NUDCD3: variants seen among roughly 807,000 people sequenced by gnomAD.
NUDCD3 encodes the protein NudC domain containing 3.
Under a neutral mutation model 39.7 loss-of-function variants are expected in NUDCD3, and 13 were observed. The observed-to-expected ratio is 0.33, with a 90% CI of 0.21 to 0.52. NUDCD3 has a LOEUF of 0.52. Among genes scored for constraint, NUDCD3 ranks in the 20% least tolerant of loss-of-function variants. NUDCD3 has a pLI of 0.96. For missense variants in NUDCD3, 453 were observed against 458.1 expected, an observed-to-expected ratio of 0.99 and a Z score of 0.10; for synonymous variants, 175 against 172.4, an observed-to-expected ratio of 1.02 and a Z score of -0.12.
chr7:44,422,363 T>TAAAAGATTAACAAAATAGA (rs2116895139), intron 3 of NUDCD3, among the ~76,000 whole-genome samples: 1 of 151,974 alleles, frequency 6.6e-6, no homozygotes, highest in East Asian at 1.9e-4. Context: ...CTGTTTTTTT[T>TAAAAGATTAACAAAATAGA]AAAAGATTAA....
chr7:44,425,640 G>A (rs1799218797), intron 3 of NUDCD3, among the ~76,000 whole-genome samples: 1 of 152,170 alleles, frequency 6.6e-6, no homozygotes, highest in African/African-American at 2.4e-5. Flanking sequence ...GAAGTGGGAA[G>A]ATCATTTGAG....
intron 3 of NUDCD3, among the ~76,000 whole-genome samples, chr7:44,410,759 G>C (rs1173920211): frequency 6.6e-6 from 1 of 151,942 alleles, no homozygotes; most frequent in Non-Finnish European, 1.5e-5. Context: ...ATGAGGTCAA[G>C]AGATCGACAT....
intron 2 of NUDCD3, among the ~76,000 whole-genome samples, chr7:44,456,688 C>T (rs1226870275): frequency 1.3e-5 from 2 of 151,108 alleles, no homozygotes; most frequent in Non-Finnish European, 2.9e-5. Context: ...CCCAGGAGGT[C>T]GAGGCTACAG....
chr7:44,446,915 T>C (rs1333123331), intron 2 of NUDCD3, among the ~76,000 whole-genome samples: 1 of 152,218 alleles, frequency 6.6e-6, no homozygotes, highest in Non-Finnish European at 1.5e-5. Context: ...TTTCTGGCAA[T>C]GTTCATTACA....
chr7:44,468,549 T>C (rs1166123115), intron 2 of NUDCD3, among the ~76,000 whole-genome samples: 1 of 152,030 alleles, frequency 6.6e-6, no homozygotes, highest in East Asian at 1.9e-4. Context: ...AGTAAAAAGA[T>C]AAATGTAACA....
At chr7:44,396,879 G>C (rs1484092888) in intron 4 of NUDCD3, among the ~76,000 whole-genome samples, 2 of 152,172 alleles carry the variant, frequency 1.3e-5, no homozygotes, top group East Asian at 3.8e-4. Context: ...AATGTTCCTA[G>C]GATGGAGTTC....
rs1798286902 is a variant in NUDCD3, at chr7:44,380,431, C to T, written c.*5580G>A. ...GTCACAAAATCCCTTCTTTGCATTA[C>T]CAAAAGAGGTGGTCACTCAGGGGTG... On this transcript the variant is annotated 3_prime_UTR_variant, in exon 6 of 6. Transcript: ENST00000355451. 1 of 152,262 alleles carries T rather than the reference C, an allele frequency of 6.6e-6. No individual in the cohort carries two copies. 9.4% of individuals were successfully genotyped at this position (152,262 alleles called of 1,614,324 possible). A position where few individuals can be genotyped will look rare whatever the true frequency, so the allele number is the denominator to read the frequency against.
At chr7:44,389,982 G>C (rs1055005531) in intron 5 of NUDCD3, among the ~76,000 whole-genome samples, 1 of 152,168 alleles carries the variant, frequency 6.6e-6, no homozygotes, top group Non-Finnish European at 1.5e-5. Flanking sequence ...ATAAAGTTCT[G>C]TAAGAGATAC....
At chr7:44,404,105 G>A (rs1461970828) in intron 4 of NUDCD3, among the ~76,000 whole-genome samples, 2 of 152,300 alleles carry the variant, frequency 1.3e-5, no homozygotes, top group East Asian at 1.9e-4. Flanking sequence ...GTTGGTCAAT[G>A]AGCCTGATTC....
At chr7:44,445,893 C>T (rs1333084586) in intron 2 of NUDCD3, among the ~76,000 whole-genome samples, 1 of 152,204 alleles carries the variant, frequency 6.6e-6, no homozygotes, top group Non-Finnish European at 1.5e-5. Flanking sequence ...AGGACACAGA[C>T]TCTGGAGTCA....
chr7:44,417,282 A>T (rs892226101), intron 3 of NUDCD3, among the ~76,000 whole-genome samples: 1 of 152,218 alleles, frequency 6.6e-6, no homozygotes, highest in African/African-American at 2.4e-5. Context: ...TGAACTTCAG[A>T]CAAGACATCA....
intron 2 of NUDCD3, among the ~76,000 whole-genome samples, chr7:44,440,225 G>A (rs1440434071): frequency 6.6e-6 from 1 of 152,178 alleles, no homozygotes. Context: ...AATGTGACAT[G>A]ATGAGAAAGA....
intron 4 of NUDCD3, 118 bp downstream of exon 4, chr7:44,404,322 C>T: frequency 9.7e-7 from 1 of 1,031,574 alleles, no homozygotes; most frequent in Admixed American, 2.2e-5. Context: ...CCATCTGCCC[C>T]AGCAGCTGAA....
chr7:44,439,177 G>A (rs1353395253), intron 2 of NUDCD3, among the ~76,000 whole-genome samples: 1 of 152,174 alleles, frequency 6.6e-6, no homozygotes, highest in Admixed American at 6.5e-5. Flanking sequence ...GTGAAAAACT[G>A]GGGGCTCATA....
chr7:44,470,710 C>T (rs1451969702), intron 2 of NUDCD3, among the ~76,000 whole-genome samples: 2 of 152,214 alleles, frequency 1.3e-5, no homozygotes, highest in Non-Finnish European at 2.9e-5. Context: ...CCAGAAGGGG[C>T]AGCTGACAGC....
Position 44,485,240 on chromosome 7 carries a change from C to A in NUDCD3, c.237G>T (p.Lys79Asn). Reference sequence around the variant, plus strand: ...TTTTCTCTTCAAGTTCCTGCCTTCTCTTCTCATCATCCTGACGGGCCATGT... The same window carrying A: ...TTTTCTCTTCAAGTTCCTGCCTTCTATTCTCATCATCCTGACGGGCCATGT... The part of the protein sequence containing the change: ...FDHMARQDDE[K>N]RRQELEEKIR... Residue 79 changes from lysine (K) to asparagine (N), a missense_variant, in exon 2 of 6, where the codon AAG becomes AAT. Transcript: ENST00000355451. 6.2e-7 allele frequency: 1 copy of A among 1,614,076 alleles called. No homozygotes were observed. The highest frequency in any genetic ancestry group is 8.5e-7 in the Non-Finnish European group (1 of 1,179,950).
chr7:44,389,954 G>T (rs1024714757), intron 5 of NUDCD3, among the ~76,000 whole-genome samples: 4 of 152,186 alleles, frequency 2.6e-5, no homozygotes, highest in African/African-American at 2.4e-5. Context: ...AGGTATTCCT[G>T]CTATTTTGTT....
intron 2 of NUDCD3, among the ~76,000 whole-genome samples, chr7:44,430,843 G>T (rs1374778123): frequency 6.6e-6 from 1 of 152,140 alleles, no homozygotes; most frequent in Non-Finnish European, 1.5e-5. Flanking sequence ...CTTCGAGTGA[G>T]GGGGGACATC....
chr7:44,430,604 A>ACACACACAC (rs552605354), intron 2 of NUDCD3, among the ~76,000 whole-genome samples: 6 of 151,106 alleles, frequency 4.0e-5, no homozygotes, highest in African/African-American at 7.3e-5. Context: ...ACACACACAC[A>ACACACACAC]AAAGACCAAC....
Sources: allele counts gnomAD v4.1 joint callset (sites outside exome capture counted in the v4.1 genomes callset), GRCh38; gene constraint gnomAD v4.1.1; transcripts MANE v1.5; gene names NCBI Gene and HGNC (gene_info 2026-07-23, HGNC 2026-07-21).